The following ANKRD24 variants were observed in gnomAD, a reference collection of about 807,000 sequenced individuals.
ANKRD24 encodes the protein ankyrin repeat domain-containing protein 24.
ANKRD24 carries 109 observed loss-of-function variants against 127.8 expected under a neutral mutation model. The observed-to-expected ratio is 0.85, with a 90% CI of 0.73 to 1.00. ANKRD24 has a LOEUF of 1.00. Among genes scored for constraint, ANKRD24 ranks in the 50% least tolerant of loss-of-function variants. The pLI, the probability that ANKRD24 is intolerant of heterozygous loss-of-function variation, is 0.00. For missense variants in ANKRD24, 1,648 were observed against 1,570.2 expected (o/e 1.05, Z -0.84); for synonymous variants, 743 against 671.1 (o/e 1.11, Z -1.66).
Position 4,186,530 on chromosome 19 carries a change from T to C in ANKRD24, c.36+69T>C. 8.5e-6 allele frequency: 13 copies of C among 1,524,342 alleles called. 1 individual carries two copies. The Middle Eastern group carries it at 2.0e-3, about 237-fold the overall frequency. 94.4% of individuals were successfully genotyped at this position (1,524,342 alleles called of 1,614,324 possible). A position where few individuals can be genotyped will look rare whatever the true frequency, so the allele number is the denominator to read the frequency against. On this transcript the variant is annotated intron_variant, in intron 2 of 21. Coordinates refer to ENST00000318934, the MANE Select transcript of ANKRD24 (RefSeq NM_001393985.1). ...AGCCTTCTGTCTCCTGGGGCTTGGCTGAAGATCCACCCTTTCATTCCAGTA... is the reference window on the plus strand; with the variant it reads ...AGCCTTCTGTCTCCTGGGGCTTGGCCGAAGATCCACCCTTTCATTCCAGTA...
At chr19:4,219,297 AAAAC>A (rs2145413356) in intron 18 of ANKRD24, among the ~76,000 whole-genome samples, 1 of 151,582 alleles carries the variant, frequency 6.6e-6, no homozygotes, top group South Asian at 2.1e-4. Flanking sequence ...AAAAAAAACA[AAAAC>A]AAAACAAAAA....
rs771448342 is a variant in ANKRD24 at position 4,202,010 on chromosome 19, T to A, written c.344-16T>A. 6.2e-6 allele frequency: 10 copies of A among 1,613,332 alleles called. No homozygotes were observed. The highest frequency in any genetic ancestry group is 2.7e-5 in the African/African-American group (2 of 74,852). ...TGAATAGCTGGAGCTCCAGTAAATCTTCTTTCCTTCCCCAGGTTACAATGC... is the reference window on the plus strand; with the variant it reads ...TGAATAGCTGGAGCTCCAGTAAATCATCTTTCCTTCCCCAGGTTACAATGC... On this transcript the variant is annotated splice_polypyrimidine_tract_variant and intron_variant, in intron 5 of 21. Coordinates refer to ENST00000318934, the MANE Select transcript of ANKRD24 (RefSeq NM_001393985.1).
intron 11 of ANKRD24, among the ~76,000 whole-genome samples, chr19:4,209,711 C>T (rs1969598085): frequency 6.6e-6 from 1 of 152,150 alleles, no homozygotes; most frequent in South Asian, 2.1e-4. Context: ...CTTGGCCTCC[C>T]AAAGTGCTGG....
intron 2 of ANKRD24, among the ~76,000 whole-genome samples, chr19:4,187,126 G>A (rs2145211048): frequency 6.6e-6 from 1 of 152,144 alleles, no homozygotes; most frequent in South Asian, 2.1e-4. Flanking sequence ...GAAAGGGAAG[G>A]GGAGGGCTGG....
rs776782847 is a variant in ANKRD24, at chr19:4,218,129, G to T, written c.2969G>T (p.Arg990Leu). 7 of 1,536,480 alleles carry T rather than the reference G, an allele frequency of 4.6e-6. No individual in the cohort carries two copies. Among genetic ancestry groups the T allele is most frequent in the East Asian group, 2.5e-5 (1 of 39,318 alleles). ...GAGGGGCAGCTGGAGGAGCTGGGAC[G>T]GCGGCATGAGAAGACCAGCGCAGAG... ...QLEGQLEELG[R>L]RHEKTSAEVF... Residue 990 changes from arginine to leucine, a missense_variant, in exon 18 of 22, where the codon CGG becomes CTG. By Grantham distance (102) the Arg-to-Leu change is moderately radical (BLOSUM62 -2). Transcript: ENST00000318934.
chr19:4,186,805 G>A (rs1968090967), intron 2 of ANKRD24, among the ~76,000 whole-genome samples: 1 of 152,064 alleles, frequency 6.6e-6, no homozygotes, highest in South Asian at 2.1e-4. Flanking sequence ...CCACTTTCCC[G>A]AGGATCCTGA....
chr19:4,186,443 G>T lies in ANKRD24; in HGVS notation c.18G>T (p.Ala6=). MKTLR[A]RFKKTELRLS... ...CACCAACTATGAAGACTCTCAGGGC[G>T]CGATTTAAGAAGACAGAGGTGAGTG... The change falls in exon 2 of 22, where the codon GCG becomes GCT. Residue 6 remains alanine, a synonymous_variant. Coordinates refer to ENST00000318934, the MANE Select transcript of ANKRD24 (RefSeq NM_001393985.1). 1.3e-6 allele frequency: 2 copies of T among 1,593,666 alleles called. No individual in the cohort carries two copies. Among genetic ancestry groups the T allele is most frequent in the South Asian group, 1.1e-5 (1 of 87,452 alleles).
Position 4,195,129 on chromosome 19 carries a change from G to C in ANKRD24, c.37-4554G>C, listed in dbSNP as rs541084846. On this transcript the variant is annotated intron_variant, in intron 2 of 21. Coordinates refer to ENST00000318934, the MANE Select transcript of ANKRD24 (RefSeq NM_001393985.1). The surrounding 1 kb of genome is among the most constrained non-coding windows in gnomAD (Gnocchi z 4.2). The stretch of plus-strand genomic sequence containing the variant: ...ACTCTGTCACCCAGGTTGGAGTGCA[G>C]TGGCACGACTTCTGCTCACTGCAAG... Among the ~76,000 whole-genome samples, 18 of 152,158 alleles carry C rather than the reference G, an allele frequency of 1.2e-4. 1 individual carries two copies. The highest frequency in any genetic ancestry group is 1.1e-3 in the Admixed American group (17 of 15,258).
At chr19:4,209,431 T>C (rs1969579863) in intron 11 of ANKRD24, among the ~76,000 whole-genome samples, 1 of 145,726 alleles carries the variant, frequency 6.9e-6, no homozygotes, top group South Asian at 2.2e-4. Flanking sequence ...TTTTTTTTTG[T>C]TGTTGTTGTT....
intron 2 of ANKRD24, among the ~76,000 whole-genome samples, chr19:4,192,700 A>G (rs1968453037): frequency 6.8e-6 from 1 of 146,204 alleles, no homozygotes; most frequent in African/African-American, 2.5e-5. Context: ...GGAGATCAAG[A>G]TGGGAGGATC....
intron 1 of ANKRD24, among the ~76,000 whole-genome samples, chr19:4,185,233 A>T (rs1967995511): frequency 6.6e-6 from 1 of 150,662 alleles, no homozygotes; most frequent in Non-Finnish European, 1.5e-5. Flanking sequence ...GGGTGGGTGG[A>T]TGGATGTGTG....
chr19:4,194,918 A>G (rs891461061), intron 2 of ANKRD24, among the ~76,000 whole-genome samples: 1 of 152,146 alleles, frequency 6.6e-6, no homozygotes, highest in African/African-American at 2.4e-5. Context: ...GAGGGCTGAC[A>G]GTATCCATGG....
intron 7 of ANKRD24, among the ~76,000 whole-genome samples, chr19:4,206,035 G>A (rs1969362047): frequency 6.6e-6 from 1 of 151,822 alleles, no homozygotes; most frequent in African/African-American, 2.4e-5. Context: ...CCAGCTACTC[G>A]GGAGGCTGAG....
At position 4,207,300 on chromosome 19, in the gene ANKRD24, C is replaced by T. The variant is rs778410637; in HGVS notation, c.525C>T (p.Asn175=). The part of the protein sequence containing the change: ...EVLCSFKAHL[N]PQDRSGATPL... ...TCTGCTCCTTTAAGGCACATCTAAA[C>T]CCCCAAGATCGGGTAAGCTTCTGGG... Residue 175 remains asparagine (N), a synonymous_variant, in exon 8 of 22, where the codon AAC becomes AAT. Transcript: ENST00000318934. 5 of 1,613,654 alleles carry T rather than the reference C, an allele frequency of 3.1e-6. No individual in the cohort carries two copies. In the African/African-American group the frequency reaches 6.7e-5, roughly 22 times the overall value.
intron 11 of ANKRD24, among the ~76,000 whole-genome samples, chr19:4,209,511 G>A (rs946504487): frequency 6.6e-6 from 1 of 150,616 alleles, no homozygotes; most frequent in Non-Finnish European, 1.5e-5. Context: ...GTGCAATGGC[G>A]TGATCTTGGC....
chr19:4,217,483 G>A lies in ANKRD24; in HGVS notation c.2323G>A (p.Gly775Arg), dbSNP rs766858066. 1.8e-5 allele frequency: 25 copies of A among 1,420,054 alleles called. No individual in the cohort carries two copies. In the South Asian group the frequency reaches 3.2e-4, roughly 18 times the overall value. The allele number at this position is 1,420,054 out of a possible 1,614,324, so 88.0% of individuals were successfully genotyped here. A position where few individuals can be genotyped will look rare whatever the true frequency, so the allele number is the denominator to read the frequency against. The change falls in exon 18 of 22, where the codon GGG becomes AGG. Residue 775 changes from glycine to arginine, a missense_variant. Gly to Arg is a moderately radical substitution (Grantham distance 125). Coordinates refer to ENST00000318934, the MANE Select transcript of ANKRD24 (RefSeq NM_001393985.1). ...RERVREAEGS[G>R]ASGGGGGDTT... is the part of the protein sequence containing the mutation. ...GCGTGTCCGCGAGGCCGAGGGCAGC[G>A]GGGCCAGCGGGGGCGGTGGCGGTGA...
Position 4,207,845 on chromosome 19 carries a change from G to A in ANKRD24, c.709G>A (p.Gly237Arg), listed in dbSNP as rs748471740. Residue 237 changes from glycine to arginine, a missense_variant, in exon 10 of 22, where the codon GGA becomes AGA. Coordinates refer to ENST00000318934, the MANE Select transcript of ANKRD24 (RefSeq NM_001393985.1). ...PETVEVLLQG[G>R]AQPGITDALG... is the part of the protein sequence containing the mutation. ...AACAGTGGAGGTCCTGCTGCAGGGC[G>A]GAGCCCAGCCGGGCATCACCGATGC... 8.3e-6 allele frequency: 13 copies of A among 1,568,592 alleles called. No homozygotes were observed. Among genetic ancestry groups the A allele is most frequent in the Middle Eastern group, 1.7e-4 (1 of 5,916 alleles).
At chr19:4,197,177 T>C (rs1437515700) in intron 2 of ANKRD24, among the ~76,000 whole-genome samples, 2 of 152,148 alleles carry the variant, frequency 1.3e-5, no homozygotes, top group Non-Finnish European at 2.9e-5. Context: ...GTTGGCCCTG[T>C]CATATAGGTA....
At chr19:4,184,180 G>A (rs1299150803) in intron 1 of ANKRD24, among the ~76,000 whole-genome samples, 1 of 152,208 alleles carries the variant, frequency 6.6e-6, no homozygotes, top group African/African-American at 2.4e-5. Context: ...TGGGGCGGCC[G>A]CCTGCTCAGA....
Sources: allele counts gnomAD v4.1 joint callset (sites outside exome capture counted in the v4.1 genomes callset), GRCh38; gene constraint gnomAD v4.1.1; non-coding constraint Gnocchi (gnomAD v3.1); transcripts MANE v1.5; gene names NCBI Gene and HGNC (gene_info 2026-07-23, HGNC 2026-07-21).